DYRK1A: variants seen among roughly 807,000 people sequenced by gnomAD.
DYRK1A encodes dual specificity tyrosine phosphorylation regulated kinase 1A.
A neutral mutation model predicts 79.7 loss-of-function variants in DYRK1A; 9 were observed. The observed-to-expected ratio is 0.11, with a 90% CI of 0.07 to 0.20. The LOEUF is 0.20. Ranked by LOEUF, DYRK1A falls within the 10% of genes least tolerant of loss-of-function variation. DYRK1A has a pLI of 1.00. For synonymous variants in DYRK1A, 349 were observed against 329.7 expected, an observed-to-expected ratio of 1.06 and a Z score of -0.63; for missense variants, 622 against 956.0, an observed-to-expected ratio of 0.65 and a Z score of 4.61.
At chr21:37,386,720 T>G (rs2148379261) in intron 1 of DYRK1A, among the ~76,000 whole-genome samples, 1 of 152,262 alleles carries the variant, frequency 6.6e-6, no homozygotes, top group Middle Eastern at 3.4e-3. Context: ...CAGGGGCTAA[T>G]TGATTTGGTA....
At chr21:37,464,643 CTAAGA>C (rs1264416922) in intron 2 of DYRK1A, among the ~76,000 whole-genome samples, 3 of 152,212 alleles carry the variant, frequency 2.0e-5, no homozygotes, top group East Asian at 1.9e-4. Flanking sequence ...CATTCTTAAG[CTAAGA>C]TATTATTATA....
chr21:37,493,730 A>G (rs1305255854), intron 8 of DYRK1A, among the ~76,000 whole-genome samples: 1 of 152,184 alleles, frequency 6.6e-6, no homozygotes, highest in African/African-American at 2.4e-5. Flanking sequence ...AGTCAGAGAA[A>G]TTAGACTTTC....
Position 37,505,220 on chromosome 21 carries a change from A to G in DYRK1A, c.1213-63A>G, listed in dbSNP as rs368490778. On this transcript the variant is annotated intron_variant, in intron 9 of 11. Coordinates refer to ENST00000647188, the MANE Select transcript of DYRK1A (RefSeq NM_001347721.2). The stretch of plus-strand genomic sequence containing the variant: ...TATATTTAAACATATTTGAAATTCA[A>G]TTATGTGAGTGTTTACGTATTCCAC... The G allele has an allele frequency of 3.1e-4, 406 of 1,303,606 alleles. 5 individuals are homozygous for G. Among genetic ancestry groups the G allele is most frequent in the African/African-American group, 1.4e-3 (96 of 67,464 alleles). The allele number at this position is 1,303,606 out of a possible 1,614,324, so 80.8% of individuals were successfully genotyped here.
chr21:37,389,698 T>A (rs555963523), intron 1 of DYRK1A, among the ~76,000 whole-genome samples: 1 of 151,170 alleles, frequency 6.6e-6, no homozygotes, highest in African/African-American at 2.4e-5. Flanking sequence ...TGAGAGCTCT[T>A]TGCGAGGGTG....
chr21:37,432,423 G>A (rs1247717559), intron 2 of DYRK1A, among the ~76,000 whole-genome samples: 1 of 152,158 alleles, frequency 6.6e-6, no homozygotes, highest in African/African-American at 2.4e-5. Context: ...ATATCTACTT[G>A]GCTTAACGTT....
chr21:37,479,589 G>GTTTTTT lies in DYRK1A; in HGVS notation c.301-1045_301-1044insTTTTTT, dbSNP rs1569361929. ...TACTAGTCTTAGAAACAGTGTTGGT[G>GTTTTTT]TTTTGTTTTTGTTTTTGTTTTTGTT... On this transcript the variant is annotated intron_variant, in intron 4 of 11. Coordinates refer to ENST00000647188, the MANE Select transcript of DYRK1A (RefSeq NM_001347721.2). Among the ~76,000 whole-genome samples the GTTTTTT allele has an allele frequency of 6.7e-5, 5 of 74,382 alleles. 1 individual carries two copies. Among genetic ancestry groups the GTTTTTT allele is most frequent in the African/African-American group, 2.8e-4 (5 of 17,922 alleles). The allele number at this position is 74,382 out of a possible 152,430, so 48.8% of individuals were successfully genotyped here.
intron 2 of DYRK1A, among the ~76,000 whole-genome samples, chr21:37,423,418 G>A (rs968562786): frequency 2.0e-5 from 3 of 152,094 alleles, no homozygotes; most frequent in African/African-American, 7.2e-5. Context: ...TGAATCACAA[G>A]TAACCAAATT....
intron 1 of DYRK1A, among the ~76,000 whole-genome samples, chr21:37,381,944 CA>C (rs1464141832): frequency 2.6e-5 from 4 of 152,158 alleles, no homozygotes; most frequent in Non-Finnish European, 5.9e-5. Flanking sequence ...GACAAGTTTT[CA>C]AAAGAATGAG....
chr21:37,493,933 CTTTTTTTTT>C (rs35158368), intron 8 of DYRK1A, among the ~76,000 whole-genome samples: 6 of 114,228 alleles, frequency 5.3e-5, no homozygotes, highest in East Asian at 5.1e-4. Flanking sequence ...TTTAATTCTT[CTTTTTTTTT>C]TTTTTTTTTT....
chr21:37,444,951 C>A (rs73903976), intron 2 of DYRK1A, among the ~76,000 whole-genome samples: 1,533 of 152,134 alleles, frequency 0.01, 22 homozygotes, highest in African/African-American at 0.035. Flanking sequence ...GGGGAAGTGA[C>A]TGGGGCACTG....
intron 2 of DYRK1A, among the ~76,000 whole-genome samples, chr21:37,460,736 A>G (rs1050120675): frequency 1.4e-4 from 22 of 152,218 alleles, no homozygotes; most frequent in Non-Finnish European, 1.9e-4. Flanking sequence ...TTTAAAATTT[A>G]TGGGCACTAC....
intron 5 of DYRK1A, chr21:37,481,787 C>T (rs907807286): frequency 1.3e-5 from 2 of 152,188 alleles, no homozygotes. Flanking sequence ...AGAAGGATCA[C>T]CTGAGCCCAG....
chr21:37,446,441 A>G (rs1255121347), intron 2 of DYRK1A, among the ~76,000 whole-genome samples: 3 of 152,222 alleles, frequency 2.0e-5, no homozygotes, highest in Non-Finnish European at 2.9e-5. Context: ...GTCTGTGGGG[A>G]AAACTTTTAG....
intron 11 of DYRK1A, among the ~76,000 whole-genome samples, chr21:37,507,080 T>C (rs958204126): frequency 2.0e-5 from 3 of 152,118 alleles, no homozygotes; most frequent in Non-Finnish European, 4.4e-5. Context: ...GCCCTCCCCT[T>C]CTCTGTTCTT....
At chr21:37,496,060 A>C (rs1377901171) in intron 8 of DYRK1A, 58 bp from the exon 9 acceptor site, 1 of 1,526,220 alleles carries the variant, frequency 6.6e-7, no homozygotes, top group African/African-American at 1.4e-5. Context: ...TGACTTGATG[A>C]GCAGGAGTAG....
At chr21:37,426,698 CAGG>C (rs1430735662) in intron 2 of DYRK1A, among the ~76,000 whole-genome samples, 1 of 149,682 alleles carries the variant, frequency 6.7e-6, no homozygotes, top group African/African-American at 2.5e-5. Context: ...ATCACGAGGT[CAGG>C]AGATCGAGAC....
At chr21:37,370,413 T>G (rs1298441403) in intron 1 of DYRK1A, among the ~76,000 whole-genome samples, 1 of 152,276 alleles carries the variant, frequency 6.6e-6, no homozygotes, top group East Asian at 1.9e-4. Flanking sequence ...AACTGTATTA[T>G]AGGCGAGAAG....
chr21:37,381,933 G>T (rs1194934664), intron 1 of DYRK1A, among the ~76,000 whole-genome samples: 1 of 152,186 alleles, frequency 6.6e-6, no homozygotes, highest in Admixed American at 6.5e-5. Context: ...TTTGTAGTAT[G>T]GACAAGTTTT....
At chr21:37,440,761 A>G (rs953579673) in intron 2 of DYRK1A, among the ~76,000 whole-genome samples, 1 of 152,128 alleles carries the variant, frequency 6.6e-6, no homozygotes, top group Non-Finnish European at 1.5e-5. Context: ...TCACCAGAGA[A>G]CGTATTTTGA....
Sources: allele counts gnomAD v4.1 joint callset (sites outside exome capture counted in the v4.1 genomes callset), GRCh38; gene constraint gnomAD v4.1.1; transcripts MANE v1.5; gene names NCBI Gene and HGNC (gene_info 2026-07-23, HGNC 2026-07-21).